Variants in TGFBR3 observed in about 807,000 individuals in gnomAD.
TGFBR3 encodes the protein transforming growth factor beta receptor 3.
TGFBR3 carries 46 observed loss-of-function variants against 87.9 expected under a neutral mutation model. That is an observed-to-expected ratio of 0.52 (90% CI 0.41 to 0.67). TGFBR3 has a LOEUF of 0.67. Ranked by LOEUF, TGFBR3 falls within the 30% of genes least tolerant of loss-of-function variation. TGFBR3 has a pLI of 0.00. For missense variants in TGFBR3, 866 were observed against 1,041.9 expected, an observed-to-expected ratio of 0.83 and a Z score of 2.32; for synonymous variants, 381 against 391.6, an observed-to-expected ratio of 0.97 and a Z score of 0.32.
At chr1:91,808,097 AT>A (rs1278250951) in intron 2 of TGFBR3, among the ~76,000 whole-genome samples, 1 of 152,182 alleles carries the variant, frequency 6.6e-6, no homozygotes, top group African/African-American at 2.4e-5. Context: ...CTCCCCAGAA[AT>A]TATTTCTATG....
intron 10 of TGFBR3, 52 bp from the exon 11 acceptor site, chr1:91,716,760 T>TG (rs1672191790): frequency 6.2e-7 from 1 of 1,607,606 alleles, no homozygotes; most frequent in Non-Finnish European, 8.5e-7. Context: ...AAACCATGTG[T>TG]GTTTGGTTCT....
rs1672164865 is a variant in TGFBR3, at chr1:91,716,237, T to C, written c.1865A>G (p.Glu622Gly). The change falls in exon 12 of 17, where the codon GAG (glutamate) becomes GGG (glycine). Residue 622 changes from glutamate (E) to glycine (G), a missense_variant and splice_region_variant. Transcript: ENST00000212355. The part of the protein sequence containing the change: ...SVPENGHVYV[E>G]VSVTKAEQEL... ...TCAAGGCTAACTTTCAGGTCTCACC[T>C]CAACATAAACGTGTCCATTCTCTGG... 1 of 1,614,076 alleles carries C rather than the reference T, an allele frequency of 6.2e-7. No individual in the cohort carries two copies.
intron 16 of TGFBR3, among the ~76,000 whole-genome samples, chr1:91,687,796 T>C (rs543543348): frequency 4.3e-4 from 66 of 152,302 alleles, no homozygotes; most frequent in African/African-American, 1.5e-3. Flanking sequence ...AGGGAATTTA[T>C]GGAATCTCCT....
chr1:91,787,972 G>A (rs1280569720), intron 3 of TGFBR3, among the ~76,000 whole-genome samples: 1 of 144,064 alleles, frequency 6.9e-6, no homozygotes, highest in Non-Finnish European at 1.5e-5. Flanking sequence ...AGAAGAAAGA[G>A]TGAGCAGCTG....
chr1:91,691,764 G>A (rs1671273445), intron 16 of TGFBR3, among the ~76,000 whole-genome samples: 1 of 152,196 alleles, frequency 6.6e-6, no homozygotes, highest in Non-Finnish European at 1.5e-5. Flanking sequence ...CAGGTCAGAG[G>A]CTCCAGGAAA....
At chr1:91,753,026 C>CAA (rs1012182538) in intron 4 of TGFBR3, among the ~76,000 whole-genome samples, 16 of 104,980 alleles carry the variant, frequency 1.5e-4, no homozygotes, top group African/African-American at 5.8e-4. Context: ...GACCCTCTCT[C>CAA]AAAAAAAAAA....
At chr1:91,707,785 GC>G (rs1410787891) in intron 14 of TGFBR3, among the ~76,000 whole-genome samples, 1 of 152,188 alleles carries the variant, frequency 6.6e-6, no homozygotes, top group Non-Finnish European at 1.5e-5. Context: ...AACTGTAATT[GC>G]CTAGATATCC....
intron 15 of TGFBR3, among the ~76,000 whole-genome samples, chr1:91,696,199 T>C (rs1393679624): frequency 1.3e-5 from 2 of 152,084 alleles, no homozygotes; most frequent in African/African-American, 4.8e-5. Context: ...TCACTGAACA[T>C]CTCCAAAAAT....
chr1:91,896,079 T>C (rs893130954), intron 2 of TGFBR3, among the ~76,000 whole-genome samples: 9 of 152,132 alleles, frequency 5.9e-5, no homozygotes, highest in East Asian at 1.9e-4. Flanking sequence ...AACAAACATA[T>C]ACACACACAC....
chr1:91,877,062 A>AT (rs1197509206), intron 1 of TGFBR3, among the ~76,000 whole-genome samples: 1 of 152,054 alleles, frequency 6.6e-6, no homozygotes, highest in Non-Finnish European at 1.5e-5. Context: ...CCTTAGCAAA[A>AT]TTTTTTTGCA....
intron 12 of TGFBR3, 30 bp from the exon 13 acceptor site, chr1:91,712,572 A>G: frequency 6.2e-7 from 1 of 1,610,606 alleles, no homozygotes; most frequent in Non-Finnish European, 8.5e-7. Flanking sequence ...TGAATTAGGA[A>G]ATGAGTTAGC....
intron 2 of TGFBR3, among the ~76,000 whole-genome samples, chr1:91,816,184 A>G (rs954865982): frequency 6.6e-6 from 1 of 152,226 alleles, no homozygotes; most frequent in Non-Finnish European, 1.5e-5. Flanking sequence ...AAAATAGATC[A>G]ACAAACTACA....
chr1:91,737,316 A>G (rs568194458), intron 4 of TGFBR3, among the ~76,000 whole-genome samples: 1 of 152,306 alleles, frequency 6.6e-6, no homozygotes, highest in African/African-American at 2.4e-5. Flanking sequence ...TGACCCTGAC[A>G]AGGCTACAGC....
chr1:91,754,770 T>C (rs1673679702), intron 4 of TGFBR3, among the ~76,000 whole-genome samples: 1 of 152,196 alleles, frequency 6.6e-6, no homozygotes, highest in Non-Finnish European at 1.5e-5. Context: ...TAACTAATTA[T>C]GAAAGTTTTC....
At chr1:91,732,388 G>C (rs1367812137) in intron 5 of TGFBR3, among the ~76,000 whole-genome samples, 1 of 152,136 alleles carries the variant, frequency 6.6e-6, no homozygotes, top group African/African-American at 2.4e-5. Flanking sequence ...CAGAGTTCCT[G>C]ATTCAGTTGG....
At chr1:91,786,010 C>T (rs758025261) in intron 3 of TGFBR3, among the ~76,000 whole-genome samples, 12 of 152,096 alleles carry the variant, frequency 7.9e-5, no homozygotes, top group Admixed American at 1.3e-4. Flanking sequence ...GCGATCTGCC[C>T]GCCTCAGCCT....
At chr1:91,824,417 G>T (rs144861343) in intron 2 of TGFBR3, among the ~76,000 whole-genome samples, 12 of 152,266 alleles carry the variant, frequency 7.9e-5, no homozygotes, top group South Asian at 2.1e-4. Flanking sequence ...AAATCAAGAG[G>T]AAAGATGTGA....
rs1379387413 is a variant in TGFBR3 at position 91,834,558 on chromosome 1, G to GT, written c.61+26912dup. Among the ~76,000 whole-genome samples the GT allele has an allele frequency of 2.6e-5, 4 of 152,322 alleles. No homozygotes were observed. In the South Asian group the frequency reaches 8.3e-4, roughly 32 times the overall value. On this transcript the variant is annotated intron_variant, in intron 2 of 16. Transcript: ENST00000212355. ...CTACTACCTAAAGTGCCAAGTTCTTGTGGCTACTCGAGAAACAGCAGCGAA... is the reference window on the plus strand; with the variant it reads ...CTACTACCTAAAGTGCCAAGTTCTTGTTGGCTACTCGAGAAACAGCAGCGAA...
rs75237932 is a variant in TGFBR3, at chr1:91,744,499, C to T, written c.385-9540G>A. ...TCTCTAGAGCCTCCTCCAATTTGAC[C>T]CTAAGAAAGGAACATGTTTATGAAC... On this transcript the variant is annotated intron_variant, in intron 4 of 16. Transcript: ENST00000212355. Among the ~76,000 whole-genome samples, 723 of 152,164 alleles carry T rather than the reference C, an allele frequency of 4.8e-3. 4 individuals carry two copies. Among genetic ancestry groups the T allele is most frequent in the African/African-American group, 0.017 (707 of 41,492 alleles).
Sources: gnomAD v4.1 joint callset for allele counts (sites outside exome capture counted in the v4.1 genomes callset) on GRCh38, gnomAD v4.1.1 for gene constraint, MANE v1.5 for transcripts, NCBI Gene and HGNC (gene_info 2026-07-23, HGNC 2026-07-21) for gene names.